The following AGAP1 variants were observed in gnomAD, a reference collection of about 807,000 sequenced individuals.
The protein encoded by AGAP1 is ArfGAP with GTPase domain, ankyrin repeat and PH domain 1.
Under a neutral mutation model 105.3 loss-of-function variants are expected in AGAP1, and 29 were observed. The ratio of observed to expected loss-of-function variants is 0.28; its 90% CI spans 0.21 to 0.38. The LOEUF (loss-of-function observed/expected upper bound fraction) is 0.38, where lower values mean the gene tolerates loss of function less well. AGAP1 is among the 10% of genes least tolerant of loss of function. The pLI is 1.00. For missense variants in AGAP1, 998 were observed against 1,165.1 expected, an observed-to-expected ratio of 0.86 and a Z score of 2.09; for synonymous variants, 509 against 485.9, an observed-to-expected ratio of 1.05 and a Z score of -0.63.
chr2:235,934,249 T>G lies in AGAP1; in HGVS notation c.1483+3326T>G, dbSNP rs2052874262. On this transcript the variant is annotated intron_variant, in intron 12 of 17. Coordinates refer to ENST00000304032, the MANE Select transcript of AGAP1 (RefSeq NM_001037131.3). This position sits in a 1 kb window ranked among gnomAD's most constrained non-coding sequence, Gnocchi z 4.9. ...AGCCCTCTGGGATCACATGGCATGC[T>G]GAAGCTTGGGAACCACTGCTGTAAG... Among the ~76,000 whole-genome samples the G allele has an allele frequency of 6.6e-6, 1 of 152,182 alleles. No individual in the cohort carries two copies. The highest frequency in any genetic ancestry group is 6.5e-5 in the Admixed American group (1 of 15,276).
chr2:235,640,861 A>G (rs1178481173), intron 1 of AGAP1, among the ~76,000 whole-genome samples: 4 of 152,184 alleles, frequency 2.6e-5, no homozygotes, highest in African/African-American at 9.7e-5. Context: ...GGATTGGAAA[A>G]GATGGGAGAG....
At chr2:235,850,379 G>C (rs1962051812) in intron 9 of AGAP1, among the ~76,000 whole-genome samples, 2 of 152,228 alleles carry the variant, frequency 1.3e-5, no homozygotes, top group African/African-American at 4.8e-5. Flanking sequence ...CTGTAGTTCT[G>C]AAAGGAGCCA....
At chr2:236,030,340 A>G (rs2057187557) in intron 13 of AGAP1, among the ~76,000 whole-genome samples, 1 of 152,122 alleles carries the variant, frequency 6.6e-6, no homozygotes, top group Non-Finnish European at 1.5e-5. Context: ...TTGGATCTAA[A>G]TCTGCTGTCT....
At chr2:235,743,417 C>G (rs913359053) in intron 4 of AGAP1, among the ~76,000 whole-genome samples, 2 of 151,984 alleles carry the variant, frequency 1.3e-5, no homozygotes, top group Non-Finnish European at 2.9e-5. Context: ...GCTCCTCCTG[C>G]TTTCTTAGAA....
chr2:235,732,222 C>T lies in AGAP1; in HGVS notation c.311-8741C>T, dbSNP rs769399698. On this transcript the variant is annotated intron_variant, in intron 3 of 17. Coordinates refer to ENST00000304032, the MANE Select transcript of AGAP1 (RefSeq NM_001037131.3). The surrounding 1 kb of genome is among the most constrained non-coding windows in gnomAD (Gnocchi z 4.8). ...TACCATTTATCCTTTTGTTTAGGTC[C>T]GTTTGTCAATGAACTTCTCTCTTAA... Among the ~76,000 whole-genome samples the T allele has an allele frequency of 4.6e-5, 7 of 152,122 alleles. No individual in the cohort carries two copies. The highest frequency in any genetic ancestry group is 1.9e-4 in the East Asian group (1 of 5,200).
chr2:235,991,963 C>T (rs1172337000), intron 13 of AGAP1, among the ~76,000 whole-genome samples: 2 of 152,208 alleles, frequency 1.3e-5, no homozygotes, highest in African/African-American at 4.8e-5. Context: ...TCTTGCTGTC[C>T]GTAAAACTGA....
intron 6 of AGAP1, among the ~76,000 whole-genome samples, chr2:235,758,192 A>G (rs1954095440): frequency 1.4e-5 from 2 of 143,188 alleles, no homozygotes; most frequent in Admixed American, 1.3e-4. Flanking sequence ...TTCAAAAAAT[A>G]AGATTTTTTA....
chr2:235,907,439 C>G (rs1215125874), intron 10 of AGAP1, among the ~76,000 whole-genome samples: 1 of 152,034 alleles, frequency 6.6e-6, no homozygotes, highest in East Asian at 1.9e-4. Flanking sequence ...GACCTCATCT[C>G]TAAAAAAATT....
chr2:236,052,177 C>A (rs1000220777), intron 16 of AGAP1, among the ~76,000 whole-genome samples: 1 of 152,058 alleles, frequency 6.6e-6, no homozygotes, highest in African/African-American at 2.4e-5. Context: ...AAAGGAAAAG[C>A]CAAGTGCAAT....
At chr2:235,784,541 C>T (rs1476796154) in intron 6 of AGAP1, among the ~76,000 whole-genome samples, 1 of 149,192 alleles carries the variant, frequency 6.7e-6, no homozygotes, top group Non-Finnish European at 1.5e-5. Context: ...CTTTTAATTA[C>T]CTGAGGTGCT....
At chr2:236,098,620 C>CTTTTCCTTTTTTTTTTTTTTTTTTT (rs2059253469) in intron 16 of AGAP1, among the ~76,000 whole-genome samples, 1 of 115,256 alleles carries the variant, frequency 8.7e-6, no homozygotes, top group East Asian at 2.6e-4. Flanking sequence ...TCTTTTTTTC[C>CTTTTCCTTTTTTTTTTTTTTTTTTT]TTTTTTTTTT....
intron 1 of AGAP1, among the ~76,000 whole-genome samples, chr2:235,548,676 C>T (rs1227755875): frequency 6.7e-6 from 1 of 150,138 alleles, no homozygotes; most frequent in African/African-American, 2.4e-5. Flanking sequence ...AAAAATGCCA[C>T]GATGTATGAA....
At position 235,879,247 on chromosome 2, in the gene AGAP1, A is replaced by G. The variant is rs13395570; in HGVS notation, c.1051-4098A>G. The stretch of plus-strand genomic sequence containing the variant: ...ACATGACTGCACAGCCGGGCTGAGC[A>G]TGGGGTAGTGCTCCAGCCACTGAAA... On this transcript the variant is annotated intron_variant, in intron 9 of 17. Transcript: ENST00000304032. This position sits in a 1 kb window ranked among gnomAD's most constrained non-coding sequence, Gnocchi z 5.0. Among the ~76,000 whole-genome samples, 14,156 of 152,164 alleles carry G rather than the reference A, an allele frequency of 0.093. 2,157 individuals are homozygous for G. Among genetic ancestry groups the G allele is most frequent in the African/African-American group, 0.32 (13,156 of 41,442 alleles).
At chr2:235,627,811 T>A (rs1262798942) in intron 1 of AGAP1, among the ~76,000 whole-genome samples, 1 of 152,170 alleles carries the variant, frequency 6.6e-6, no homozygotes, top group Admixed American at 6.5e-5. Context: ...TTGGTGATTT[T>A]TCTCAGTGCT....
chr2:235,513,925 C>T lies in AGAP1; in HGVS notation c.163+19076C>T, dbSNP rs554980329. Among the ~76,000 whole-genome samples, 16 of 152,292 alleles carry T rather than the reference C, an allele frequency of 1.1e-4. No homozygotes were observed. In the South Asian group the frequency reaches 1.2e-3, roughly 12 times the overall value. On this transcript the variant is annotated intron_variant, in intron 1 of 17. Transcript: ENST00000304032. ...ACAGCACCCCCACGCTGAACCCTCCCGAGAATGATTGAGCTCTTCCAAATA... is the reference window on the plus strand; with the variant it reads ...ACAGCACCCCCACGCTGAACCCTCCTGAGAATGATTGAGCTCTTCCAAATA...
chr2:236,110,826 A>G (rs1286013614), intron 16 of AGAP1, among the ~76,000 whole-genome samples: 1 of 152,230 alleles, frequency 6.6e-6, no homozygotes, highest in Non-Finnish European at 1.5e-5. Context: ...CTATAACAAA[A>G]TACCTTAAAT....
rs1161612147 is a variant in AGAP1 at position 235,620,911 on chromosome 2, C to T, written c.164-88268C>T. On this transcript the variant is annotated intron_variant, in intron 1 of 17. Coordinates refer to ENST00000304032, the MANE Select transcript of AGAP1 (RefSeq NM_001037131.3). The surrounding 1 kb of genome is among the most constrained non-coding windows in gnomAD (Gnocchi z 4.5). ...TGGTGACAAGTTCTTGACTCCCCAT[C>T]ACCTCTGATGGAGGGGGCTGGGGTC... 6.6e-6 allele frequency among the ~76,000 whole-genome samples: 1 copy of T among 152,218 alleles called. No individual in the cohort carries two copies. Among genetic ancestry groups the T allele is most frequent in the African/African-American group, 2.4e-5 (1 of 41,462 alleles).
chr2:236,027,733 T>C lies in AGAP1; in HGVS notation c.1646-8828T>C, dbSNP rs11692136. Among the ~76,000 whole-genome samples the C allele has an allele frequency of 0.67, 101,709 of 152,040 alleles. 36,169 individuals are homozygous for C. The highest frequency in any genetic ancestry group is 0.92 in the African/African-American group (38,182 of 41,522). ...TTCTCCAGGGCTAGGATGAACCATC[T>C]GGTCAAAACAGAACAGAAACCCCAA... is the stretch of plus-strand genomic sequence containing the variant. On this transcript the variant is annotated intron_variant, in intron 13 of 17. Transcript: ENST00000304032. The surrounding 1 kb of genome is among the most constrained non-coding windows in gnomAD (Gnocchi z 4.4).
chr2:235,954,059 G>C (rs1427693120), intron 12 of AGAP1, among the ~76,000 whole-genome samples: 3 of 152,034 alleles, frequency 2.0e-5, no homozygotes, highest in African/African-American at 7.2e-5. Context: ...GAGAAACCTT[G>C]TTTCTTCTAT....
Sources: gnomAD v4.1 joint callset for allele counts (sites outside exome capture counted in the v4.1 genomes callset) on GRCh38, gnomAD v4.1.1 for gene constraint, Gnocchi (gnomAD v3.1) non-coding constraint, MANE v1.5 for transcripts, NCBI Gene and HGNC (gene_info 2026-07-23, HGNC 2026-07-21) for gene names.